Variants in DLGAP2 observed in about 807,000 individuals in gnomAD.
The protein encoded by DLGAP2 is disks large-associated protein 2.
In DLGAP2, 26 loss-of-function variants were observed where a neutral mutation model predicts 100.3. The observed-to-expected ratio is 0.26, with a 90% CI of 0.19 to 0.36. The LOEUF (loss-of-function observed/expected upper bound fraction) is 0.36, where lower values mean the gene tolerates loss of function less well. DLGAP2 is among the 10% of genes least tolerant of loss of function. The probability of loss-of-function intolerance (pLI) is 1.00; values close to 1 mark genes in which losing one functional copy is unlikely to be tolerated. For missense variants in DLGAP2, 1,858 were observed against 1,453.2 expected, an observed-to-expected ratio of 1.28 and a Z score of -4.53; for synonymous variants, 886 against 630.1, an observed-to-expected ratio of 1.41 and a Z score of -6.08.
chr8:1,046,050 A>G (rs954529297), intron 2 of DLGAP2, among the ~76,000 whole-genome samples: 4 of 152,210 alleles, frequency 2.6e-5, no homozygotes, highest in African/African-American at 9.6e-5. Flanking sequence ...AATTTTGTCG[A>G]AGATTTTTCT....
intron 12 of DLGAP2, among the ~76,000 whole-genome samples, chr8:1,681,375 G>T (rs138745055): frequency 6.6e-6 from 1 of 152,088 alleles, no homozygotes; most frequent in South Asian, 2.1e-4. Flanking sequence ...GCTCACACCT[G>T]TAATCCCAGC....
At chr8:1,062,391 G>T (rs377635426) in intron 2 of DLGAP2, among the ~76,000 whole-genome samples, 2 of 152,204 alleles carry the variant, frequency 1.3e-5, no homozygotes, top group East Asian at 3.9e-4. Context: ...TCGCAAGGAT[G>T]TGGAAGCTTC....
At chr8:1,699,747 G>A (rs1799515526) in intron 14 of DLGAP2, among the ~76,000 whole-genome samples, 1 of 152,282 alleles carries the variant, frequency 6.6e-6, no homozygotes, top group East Asian at 1.9e-4. Flanking sequence ...TGAACACGGC[G>A]TCTTAAAAAT....
At chr8:1,240,634 G>A (rs1335184687) in intron 2 of DLGAP2, among the ~76,000 whole-genome samples, 17 of 144,330 alleles carry the variant, frequency 1.2e-4, no homozygotes, top group Non-Finnish European at 2.4e-4. Context: ...ATAGCGTCAC[G>A]TCTAGTTCTC....
At chr8:1,080,345 T>C (rs762930243) in intron 2 of DLGAP2, among the ~76,000 whole-genome samples, 16 of 152,228 alleles carry the variant, frequency 1.1e-4, no homozygotes, top group Non-Finnish European at 1.9e-4. Flanking sequence ...GCCTTGTTAA[T>C]GCTCCTGCAG....
At chr8:1,361,498 G>C (rs140551051) in intron 3 of DLGAP2, among the ~76,000 whole-genome samples, 1 of 152,196 alleles carries the variant, frequency 6.6e-6, no homozygotes. Context: ...CGGCTCTGTA[G>C]GTAGCCGTCT....
intron 4 of DLGAP2, among the ~76,000 whole-genome samples, chr8:1,504,336 G>A (rs1228476769): frequency 6.6e-6 from 1 of 152,158 alleles, no homozygotes; most frequent in South Asian, 2.1e-4. Context: ...ACAGGTATAC[G>A]TTGTGAGATA....
At chr8:1,533,517 A>G (rs534410270) in intron 4 of DLGAP2, among the ~76,000 whole-genome samples, 89 of 152,148 alleles carry the variant, frequency 5.8e-4, no homozygotes, top group African/African-American at 2.1e-3. Context: ...AAAAAAAAAA[A>G]GAATGTGTTT....
At chr8:1,516,363 G>T (rs1472293368) in intron 4 of DLGAP2, among the ~76,000 whole-genome samples, 2 of 151,810 alleles carry the variant, frequency 1.3e-5, no homozygotes, top group South Asian at 2.1e-4. Context: ...AAGGGAGGGA[G>T]TGAATGAGTG....
intron 3 of DLGAP2, among the ~76,000 whole-genome samples, chr8:1,359,958 A>G (rs1019177595): frequency 3.9e-5 from 6 of 152,318 alleles, no homozygotes; most frequent in Admixed American, 1.3e-4. Flanking sequence ...GAGTTCGTGG[A>G]CGAGTCCACG....
intron 1 of DLGAP2, among the ~76,000 whole-genome samples, chr8:756,807 G>A (rs187889232): frequency 2.5e-3 from 378 of 152,200 alleles, no homozygotes; most frequent in African/African-American, 8.6e-3. Context: ...TCCCGCCTCC[G>A]GTCTCTCTCG....
chr8:1,131,292 A>C (rs573893064), intron 2 of DLGAP2, among the ~76,000 whole-genome samples: 1 of 152,206 alleles, frequency 6.6e-6, no homozygotes, highest in Admixed American at 6.5e-5. Context: ...GCTGTAACAC[A>C]TTGCCATAGA....
intron 2 of DLGAP2, among the ~76,000 whole-genome samples, chr8:1,064,575 T>A (rs1393015821): frequency 6.6e-6 from 1 of 152,226 alleles, no homozygotes; most frequent in East Asian, 1.9e-4. Flanking sequence ...TCTAAGGCAA[T>A]ATCTGTTTTA....
intron 1 of DLGAP2, among the ~76,000 whole-genome samples, chr8:869,368 C>G (rs927975434): frequency 2.1e-4 from 32 of 152,252 alleles, no homozygotes; most frequent in African/African-American, 7.5e-4. Flanking sequence ...GATCCTGAAT[C>G]CGAGATTTAT....
chr8:919,481 CTCCAAGGAAAGGCAAGTCCT>C (rs1798663940), intron 2 of DLGAP2, among the ~76,000 whole-genome samples: 1 of 152,184 alleles, frequency 6.6e-6, no homozygotes, highest in Admixed American at 6.5e-5. Flanking sequence ...TGCTGATGAG[CTCCAAGGAAAGGCAAGTCCT>C]GCTGGGCAGT....
chr8:861,477 C>T (rs978132149), intron 1 of DLGAP2, among the ~76,000 whole-genome samples: 1 of 152,080 alleles, frequency 6.6e-6, no homozygotes, highest in Non-Finnish European at 1.5e-5. Context: ...ACCAAGAGAC[C>T]AAACATTTCA....
At chr8:1,303,243 A>G (rs1325647472) in intron 3 of DLGAP2, among the ~76,000 whole-genome samples, 1 of 152,102 alleles carries the variant, frequency 6.6e-6, no homozygotes, top group Non-Finnish European at 1.5e-5. Flanking sequence ...TAAAAATACA[A>G]AAAACTAGCC....
At chr8:1,552,605 C>G (rs1013526592) in intron 5 of DLGAP2, among the ~76,000 whole-genome samples, 1 of 152,210 alleles carries the variant, frequency 6.6e-6, no homozygotes. Flanking sequence ...TGGGTCCTCA[C>G]AACCCCAGAT....
chr8:982,220 G>C (rs763363862), intron 2 of DLGAP2, among the ~76,000 whole-genome samples: 2 of 152,210 alleles, frequency 1.3e-5, no homozygotes, highest in Middle Eastern at 3.2e-3. Context: ...GATAATAACA[G>C]TACCTAACCC....
Sources: gnomAD v4.1 joint callset for allele counts (sites outside exome capture counted in the v4.1 genomes callset) on GRCh38, gnomAD v4.1.1 for gene constraint, MANE v1.5 for transcripts, NCBI Gene and HGNC (gene_info 2026-07-23, HGNC 2026-07-21) for gene names.